Variants in CSF1R observed in about 807,000 individuals in gnomAD.
CSF1R encodes macrophage colony-stimulating factor 1 receptor.
A neutral mutation model predicts 110.0 loss-of-function variants in CSF1R; 40 were observed. The observed-to-expected ratio is 0.36, with a 90% CI of 0.28 to 0.47. CSF1R has a LOEUF of 0.47. Ranked by LOEUF, CSF1R falls within the 20% of genes least tolerant of loss-of-function variation. The pLI is 0.99. For missense variants in CSF1R, 1,052 were observed against 1,253.0 expected (o/e 0.84, Z 2.42); for synonymous variants, 523 against 503.4 (o/e 1.04, Z -0.52).
chr5:150,057,150 C>T (rs1757255320), intron 16 of CSF1R, 137 bp downstream of exon 16: 2 of 703,960 alleles, frequency 2.8e-6, no homozygotes, highest in Admixed American at 2.6e-5. Flanking sequence ...CAGCTGCTGC[C>T]CAAATGACTC....
chr5:150,069,852 G>C (rs762566216), intron 9 of CSF1R, 21 bp downstream of exon 9: 24 of 1,581,516 alleles, frequency 1.5e-5, no homozygotes, highest in Non-Finnish European at 2.0e-5. Flanking sequence ...GGGCGGTGCG[G>C]GTGCGAAGGC....
chr5:150,080,122 G>A lies in CSF1R; in HGVS notation c.522C>T (p.Asp174=). The A allele has an allele frequency of 1.2e-6, 2 of 1,614,186 alleles. No homozygotes were observed. The highest frequency in any genetic ancestry group is 1.1e-5 in the South Asian group (1 of 91,088). ...IHRAKFIQSQ[D]YQCSALMGGR... ...CACCCATCAGGGCACTGCATTGATA[G>A]TCCTGGCTCTGAATGAACTTGGCCC... Residue 174 remains aspartate (D), a synonymous_variant, in exon 3 of 21, where the codon GAC becomes GAT. Transcript: ENST00000675795.
chr5:150,054,770 TAAGGCCAGGAGTTC>T (rs1342897582), intron 19 of CSF1R: 1 of 273,388 alleles, frequency 3.7e-6, no homozygotes, highest in African/African-American at 2.3e-5. Context: ...GAGGATTGCA[TAAGGCCAGGAGTTC>T]CAGACCAGCC....
intron 1 of CSF1R, among the ~76,000 whole-genome samples, chr5:150,085,464 T>C (rs533973491): frequency 6.6e-6 from 1 of 151,986 alleles, no homozygotes; most frequent in South Asian, 2.1e-4. Flanking sequence ...CAAGGTCCCT[T>C]TGAATAAGCA....
At chr5:150,107,916 T>C (rs1345989223) in intron 1 of CSF1R, among the ~76,000 whole-genome samples, 1 of 152,224 alleles carries the variant, frequency 6.6e-6, no homozygotes, top group Non-Finnish European at 1.5e-5. Context: ...ACAGGTCAGC[T>C]GTGGTCCCTC....
chr5:150,086,595 C>T (rs1758858280), upstream of CSF1R: 1 of 583,144 alleles, frequency 1.7e-6, no homozygotes, highest in Non-Finnish European at 3.0e-6. Context: ...TGATCCTCTT[C>T]TTCCCCTTTT....
chr5:150,105,958 A>G (rs1448161006), intron 1 of CSF1R, among the ~76,000 whole-genome samples: 2 of 152,216 alleles, frequency 1.3e-5, no homozygotes, highest in African/African-American at 4.8e-5. Flanking sequence ...GAGGAAACCA[A>G]GGCTCAGAGA....
At chr5:150,091,493 T>G (rs916390034), upstream of CSF1R, among the ~76,000 whole-genome samples, 6 of 152,204 alleles carry the variant, frequency 3.9e-5, no homozygotes, top group African/African-American at 1.4e-4. Context: ...AACACTGTGT[T>G]AAGTCAATGA....
At chr5:150,085,567 C>T (rs1048240362) in intron 1 of CSF1R, among the ~76,000 whole-genome samples, 1 of 152,154 alleles carries the variant, frequency 6.6e-6, no homozygotes, top group Non-Finnish European at 1.5e-5. Flanking sequence ...TTCTGCAGAA[C>T]TGCTACAGCC....
At chr5:150,062,422 C>G (rs1023499843) in intron 10 of CSF1R, among the ~76,000 whole-genome samples, 2 of 146,786 alleles carry the variant, frequency 1.4e-5, no homozygotes, top group Non-Finnish European at 3.0e-5. Flanking sequence ...AAAAGCAACT[C>G]CCCTTTCCCT....
At chr5:150,074,841 C>T (rs1441270820) in intron 5 of CSF1R, among the ~76,000 whole-genome samples, 1 of 127,742 alleles carries the variant, frequency 7.8e-6, no homozygotes, top group Non-Finnish European at 1.6e-5. Flanking sequence ...CTCTTCCTTC[C>T]TACACACACA....
In CSF1R at chr5:150,053,649, G is replaced by C; in HGVS notation, c.*420C>G. The stretch of plus-strand genomic sequence containing the variant: ...GAGCATCTGCTGCTCCTCTCAGAGA[G>C]GGAGATCTCACTCTCTGCCAGTCTG... On this transcript the variant is annotated 3_prime_UTR_variant, in exon 21 of 21. Coordinates refer to ENST00000675795, the MANE Select transcript of CSF1R (RefSeq NM_001288705.3). 3.4e-6 allele frequency: 1 copy of C among 290,898 alleles called. No individual in the cohort carries two copies. Among genetic ancestry groups the C allele is most frequent in the Non-Finnish European group, 6.5e-6 (1 of 153,288 alleles). The allele number at this position is 290,898 out of a possible 1,614,324, so 18.0% of individuals were successfully genotyped here. A position where few individuals can be genotyped will look rare whatever the true frequency, so the allele number is the denominator to read the frequency against.
At chr5:150,073,543 G>A in intron 5 of CSF1R, 50 bp from the exon 6 acceptor site, 1 of 1,573,534 alleles carries the variant, frequency 6.4e-7, no homozygotes, top group East Asian at 2.3e-5. Context: ...AGATGTCCTT[G>A]TTTATTTGTC....
At chr5:150,100,917 A>G (rs530021772) in intron 1 of CSF1R, among the ~76,000 whole-genome samples, 1 of 152,296 alleles carries the variant, frequency 6.6e-6, no homozygotes, top group African/African-American at 2.4e-5. Flanking sequence ...AATTATACGC[A>G]TGCTTGGTTA....
At chr5:150,106,722 G>A (rs1280774555) in intron 1 of CSF1R, among the ~76,000 whole-genome samples, 1 of 152,060 alleles carries the variant, frequency 6.6e-6, no homozygotes, top group Non-Finnish European at 1.5e-5. Flanking sequence ...TCTGATCTCT[G>A]CCTCTTCTCT....
intron 10 of CSF1R, 48 bp from the exon 11 acceptor site, chr5:150,061,897 T>C: frequency 6.2e-7 from 1 of 1,611,830 alleles, no homozygotes; most frequent in Non-Finnish European, 8.5e-7. Flanking sequence ...GGCAGGCAGT[T>C]CCTGGACCTT....
intron 1 of CSF1R, among the ~76,000 whole-genome samples, chr5:150,112,536 T>C (rs1759753932): frequency 6.6e-6 from 1 of 152,264 alleles, no homozygotes; most frequent in South Asian, 2.1e-4. Context: ...TCTTCTGACC[T>C]CCAGACAGAG....
chr5:150,082,998 G>A (rs1230725320), intron 1 of CSF1R, among the ~76,000 whole-genome samples: 1 of 151,996 alleles, frequency 6.6e-6, no homozygotes, highest in East Asian at 1.9e-4. Context: ...ACCCTGCCTT[G>A]GCCTCCAGGA....
Position 150,080,333 on chromosome 5 carries a change from G to C in CSF1R, c.311C>G (p.Pro104Arg), listed in dbSNP as rs971881879. ...SAAIHLYVKDPARPWNVLAQE... is the reference protein window; with the variant it reads ...SAAIHLYVKDRARPWNVLAQE... The stretch of plus-strand genomic sequence containing the variant: ...TGCTAGCACGTTCCAGGGCCGGGCA[G>C]GGTCTAGAGTAGAGGAGGGCACAGG... The change falls in exon 3 of 21, where the codon CCT becomes CGT. Residue 104 changes from proline (P) to arginine (R), a missense_variant. Pro to Arg is a moderately radical substitution (Grantham distance 103). Transcript: ENST00000675795. The C allele has an allele frequency of 6.2e-7, 1 of 1,613,062 alleles. No homozygotes were observed. The highest frequency in any genetic ancestry group is 1.3e-5 in the African/African-American group (1 of 75,062).
Sources: allele counts gnomAD v4.1 joint callset (sites outside exome capture counted in the v4.1 genomes callset), GRCh38; gene constraint gnomAD v4.1.1; transcripts MANE v1.5; gene names NCBI Gene and HGNC (gene_info 2026-07-23, HGNC 2026-07-21).